PPP6R2: variants seen among roughly 807,000 people sequenced by gnomAD.
PPP6R2 encodes serine/threonine-protein phosphatase 6 regulatory subunit 2.
A neutral mutation model predicts 100.2 loss-of-function variants in PPP6R2; 62 were observed. The observed-to-expected ratio is 0.62, with a 90% CI of 0.50 to 0.76. The LOEUF (loss-of-function observed/expected upper bound fraction) is 0.76, where lower values mean the gene tolerates loss of function less well. Ranked by LOEUF, PPP6R2 falls within the 30% of genes least tolerant of loss-of-function variation. The pLI is 0.00. For missense variants in PPP6R2, 1,142 were observed against 1,276.3 expected, an observed-to-expected ratio of 0.89 and a Z score of 1.60; for synonymous variants, 525 against 514.7, an observed-to-expected ratio of 1.02 and a Z score of -0.27.
At position 50,385,814 on chromosome 22, in the gene PPP6R2, C is replaced by CT. The variant is rs1192671164; in HGVS notation, c.-16-8052dup. On this transcript the variant is annotated intron_variant, in intron 2 of 23. Coordinates refer to ENST00000612753, the MANE Select transcript of PPP6R2 (RefSeq NM_001242898.2). ...TACAGGCATGAGCCACCGCGCCCAGCTTTTTTTTTTTTTTTTTTTTTTTTT... is the reference window on the plus strand; with the variant it reads ...TACAGGCATGAGCCACCGCGCCCAGCTTTTTTTTTTTTTTTTTTTTTTTTTT... Among the ~76,000 whole-genome samples, 731 of 75,396 alleles carry CT rather than the reference C, an allele frequency of 9.7e-3. 112 individuals carry two copies. The highest frequency in any genetic ancestry group is 0.04 in the East Asian group (73 of 1,804). 49.5% of individuals were successfully genotyped at this position (75,396 alleles called of 152,430 possible).
At chr22:50,390,603 G>A (rs911079385) in intron 2 of PPP6R2, among the ~76,000 whole-genome samples, 1 of 151,876 alleles carries the variant, frequency 6.6e-6, no homozygotes, top group Admixed American at 6.6e-5. Flanking sequence ...AGGTTGCAGT[G>A]AGCCAAAGTT....
At chr22:50,382,831 A>AG (rs2053405524) in intron 2 of PPP6R2, among the ~76,000 whole-genome samples, 1 of 138,498 alleles carries the variant, frequency 7.2e-6, no homozygotes. Context: ...GAAATTTACA[A>AG]GCAAATTTTT....
rs937499558 is a variant in PPP6R2, at chr22:50,394,108, T to C, written c.200T>C (p.Leu67Pro). ...AGCCTCATCACACAGGATCCGCCCC[T>C]GGACATGGAGGAGAAGGTCCGCTTC... is the stretch of plus-strand genomic sequence containing the variant. ...LVSLITQDPPLDMEEKVRFKY... is the reference protein window; with the variant it reads ...LVSLITQDPPPDMEEKVRFKY... Residue 67 changes from leucine to proline, a missense_variant, in exon 3 of 24, where the codon CTG becomes CCG. Coordinates refer to ENST00000612753, the MANE Select transcript of PPP6R2 (RefSeq NM_001242898.2). The C allele has an allele frequency of 4.3e-6, 7 of 1,614,078 alleles. No homozygotes were observed. The highest frequency in any genetic ancestry group is 1.7e-4 in the Middle Eastern group (1 of 6,038).
chr22:50,429,282 C>T (rs113111175), intron 10 of PPP6R2, among the ~76,000 whole-genome samples: 11,770 of 152,266 alleles, frequency 0.077, 604 homozygotes, highest in Non-Finnish European at 0.12. Context: ...CCACCCTCCT[C>T]GGCCTCCCAA....
In PPP6R2 at chr22:50,444,071, G is replaced by A. The variant is rs952765517; in HGVS notation, c.2785G>A (p.Ala929Thr). ...CCTAGGGCCCATCATGGCAGTCACA[G>A]CAGCCCCAGCCATGGTGGCCACCCT... ...VPLGPIMAVT[A>T]APAMVATLGT... Residue 929 changes from alanine (A) to threonine (T), a missense_variant, in exon 23 of 24, where the codon GCA (alanine) becomes ACA (threonine). Ala to Thr is a moderately conservative substitution (Grantham distance 58, BLOSUM62 0). This residue lies in a region of PPP6R2 where 550 missense variants were observed against 517.4 expected (regional missense o/e 1.06). Coordinates refer to ENST00000612753, the MANE Select transcript of PPP6R2 (RefSeq NM_001242898.2). The A allele has an allele frequency of 6.2e-7, 1 of 1,612,738 alleles. No individual in the cohort carries two copies. Among genetic ancestry groups the A allele is most frequent in the Non-Finnish European group, 8.5e-7 (1 of 1,179,414 alleles).
intron 3 of PPP6R2, among the ~76,000 whole-genome samples, chr22:50,395,935 C>T (rs149416696): frequency 7.5e-4 from 114 of 151,744 alleles, no homozygotes; most frequent in African/African-American, 2.7e-3. Context: ...TGGCTCATAC[C>T]TGTAATCCCA....
intron 1 of PPP6R2, among the ~76,000 whole-genome samples, chr22:50,363,596 G>A (rs189732764): frequency 1.3e-5 from 2 of 152,300 alleles, no homozygotes; most frequent in Admixed American, 6.5e-5. Context: ...GTCAGGAGCT[G>A]GCAACCTGCA....
Position 50,414,636 on chromosome 22 carries a change from C to A in PPP6R2, c.499C>A (p.Leu167Met). Residue 167 changes from leucine (L) to methionine (M), a missense_variant, in exon 5 of 24, where the codon CTG (leucine) becomes ATG (methionine). By Grantham distance (15) the Leu-to-Met change is conservative. Coordinates refer to ENST00000612753, the MANE Select transcript of PPP6R2 (RefSeq NM_001242898.2). Reference protein sequence around the residue: ...IGTSALMDLLLRLVSCVEPAG... With the variant: ...IGTSALMDLLMRLVSCVEPAG... ...CACCTCAGCGCTTATGGACCTGCTG[C>A]TGCGCCTGGTCAGCTGTGTGGAGCC... is the stretch of plus-strand genomic sequence containing the variant. 6.2e-7 allele frequency: 1 copy of A among 1,613,738 alleles called. No homozygotes were observed. The highest frequency in any genetic ancestry group is 8.5e-7 in the Non-Finnish European group (1 of 1,180,012).
Position 50,444,122 on chromosome 22 carries a change from G to A in PPP6R2, c.2831+5G>A. On this transcript the variant is annotated splice_donor_5th_base_variant and intron_variant, in intron 23 of 23. Coordinates refer to ENST00000612753, the MANE Select transcript of PPP6R2 (RefSeq NM_001242898.2). ...GGGGACAGTGACAAAGGACGGGTGA[G>A]CAGGTTGAGTGTGGGGGTAGGGGGT... 1.2e-6 allele frequency: 2 copies of A among 1,611,830 alleles called. No individual in the cohort carries two copies. The highest frequency in any genetic ancestry group is 1.7e-6 in the Non-Finnish European group (2 of 1,178,446).
chr22:50,439,560 C>G, intron 19 of PPP6R2, 141 bp from the exon 20 acceptor site: 1 of 933,644 alleles, frequency 1.1e-6, no homozygotes, highest in Non-Finnish European at 1.5e-6. Context: ...GGCTGACGGG[C>G]ACTGCCTGGG....
At chr22:50,381,636 A>G (rs1340096742) in intron 2 of PPP6R2, among the ~76,000 whole-genome samples, 1 of 152,194 alleles carries the variant, frequency 6.6e-6, no homozygotes, top group East Asian at 1.9e-4. Context: ...AGGAATAGAA[A>G]CTGGCCAGGC....
At chr22:50,407,153 C>A (rs2059083479) in intron 4 of PPP6R2, among the ~76,000 whole-genome samples, 2 of 152,072 alleles carry the variant, frequency 1.3e-5, no homozygotes, top group African/African-American at 4.8e-5. Flanking sequence ...TCAAGACCAG[C>A]CTGGCCAACA....
At chr22:50,390,483 A>C (rs1226298927) in intron 2 of PPP6R2, among the ~76,000 whole-genome samples, 1 of 152,156 alleles carries the variant, frequency 6.6e-6, no homozygotes, top group Admixed American at 6.5e-5. Flanking sequence ...CAAAATGATC[A>C]AAGAATTAAT....
intron 1 of PPP6R2, among the ~76,000 whole-genome samples, chr22:50,370,617 G>A (rs908322966): frequency 4.6e-5 from 7 of 151,148 alleles, no homozygotes; most frequent in East Asian, 2.0e-4. Flanking sequence ...AAGTTTAAAA[G>A]TAGGACCTAT....
At position 50,419,376 on chromosome 22, in the gene PPP6R2, G is replaced by A. The variant is rs2060997345; in HGVS notation, c.759G>A (p.Lys253=). Residue 253 remains lysine (K), a synonymous_variant, in exon 8 of 24, where the codon AAG becomes AAA. Transcript: ENST00000612753. ...ESQDCVEQLL[K]NMFDGDRTES... is the part of the protein sequence containing the mutation. ...AGGACTGTGTGGAGCAGCTTCTGAAGAACATGTTTGATGGAGACCGGACGG... is the reference window on the plus strand; with the variant it reads ...AGGACTGTGTGGAGCAGCTTCTGAAAAACATGTTTGATGGAGACCGGACGG... 1 of 1,614,196 alleles carries A rather than the reference G, an allele frequency of 6.2e-7. No homozygotes were observed.
the PPP6R2 span, among the ~76,000 whole-genome samples, chr22:50,331,328 G>C: frequency 1.3e-5 from 2 of 152,076 alleles, no homozygotes; most frequent in African/African-American, 4.8e-5. Context: ...ATGTAGGAGT[G>C]AAAGTATTGG....
At chr22:50,351,136 G>A (rs2045111720) in intron 1 of PPP6R2, among the ~76,000 whole-genome samples, 1 of 137,774 alleles carries the variant, frequency 7.3e-6, no homozygotes, top group Admixed American at 7.6e-5. Context: ...AGCCTCCCAG[G>A]TTCAAGTGAT....
intron 17 of PPP6R2, 35 bp downstream of exon 17, chr22:50,437,935 C>G (rs1270176175): frequency 6.4e-7 from 1 of 1,563,588 alleles, no homozygotes; most frequent in Non-Finnish European, 8.7e-7. Flanking sequence ...TGCCGCCACC[C>G]TTTTCCCAGG....
At chr22:50,440,085 C>A in intron 21 of PPP6R2, 36 bp downstream of exon 21, 1 of 1,577,026 alleles carries the variant, frequency 6.3e-7, no homozygotes, top group Non-Finnish European at 8.7e-7. Context: ...CCCAGCCTTG[C>A]CCAGTTTAAG....
Sources: gnomAD v4.1 joint callset for allele counts (sites outside exome capture counted in the v4.1 genomes callset) on GRCh38, gnomAD v4.1.1 for gene constraint, gnomAD v4.1.1 regional missense constraint, MANE v1.5 for transcripts, NCBI Gene and HGNC (gene_info 2026-07-23, HGNC 2026-07-21) for gene names.